WTAP: variants seen among roughly 807,000 people sequenced by gnomAD.
The protein encoded by WTAP is pre-mRNA-splicing regulator WTAP.
A neutral mutation model predicts 50.0 loss-of-function variants in WTAP; 8 were observed. The ratio of observed to expected loss-of-function variants is 0.16; its 90% CI spans 0.09 to 0.29. The LOEUF is 0.29. Among genes scored for constraint, WTAP ranks in the 10% least tolerant of loss-of-function variants. The pLI is 1.00. For synonymous variants in WTAP, 194 were observed against 169.0 expected, an observed-to-expected ratio of 1.15 and a Z score of -1.15; for missense variants, 295 against 470.7, an observed-to-expected ratio of 0.63 and a Z score of 3.45.
chr6:159,742,193 ATTG>A (rs1469931227), intron 4 of WTAP, 47 bp downstream of exon 4: 1 of 1,446,840 alleles, frequency 6.9e-7, no homozygotes. Context: ...TCTCCTTTTG[ATTG>A]TTAAAATCAA....
At chr6:159,737,710 T>C (rs1779006310) in intron 2 of WTAP, among the ~76,000 whole-genome samples, 1 of 152,116 alleles carries the variant, frequency 6.6e-6, no homozygotes, top group Admixed American at 6.5e-5. Context: ...CAGGCTGATC[T>C]TGAACTCCCG....
At chr6:159,732,888 T>A (rs1228344480) in intron 1 of WTAP, among the ~76,000 whole-genome samples, 655 of 40,124 alleles carry the variant, frequency 0.016, 6 homozygotes, top group African/African-American at 0.024. Context: ...ATATATATAG[T>A]GTGTGTGTGT....
In WTAP at chr6:159,727,629, G is replaced by T. The variant is rs1339411979; in HGVS notation, c.-83G>T. On this transcript the variant is annotated 5_prime_UTR_variant, in exon 1 of 8. Coordinates refer to ENST00000621533, the MANE Select transcript of WTAP (RefSeq NM_001270531.2). ...GTCCGGCTGCGCGGTGGCCCGGGGG[G>T]CCCGGGCGGCAGGGCAAGCAGCGCG... is the stretch of plus-strand genomic sequence containing the variant. 3.0e-6 allele frequency: 3 copies of T among 986,078 alleles called. No homozygotes were observed. The highest frequency in any genetic ancestry group is 3.6e-6 in the Non-Finnish European group (3 of 830,640). 61.1% of individuals were successfully genotyped at this position (986,078 alleles called of 1,614,324 possible). A position where few individuals can be genotyped will look rare whatever the true frequency, so the allele number is the denominator to read the frequency against.
chr6:159,734,475 A>G (rs1778784633), intron 1 of WTAP, among the ~76,000 whole-genome samples: 1 of 152,174 alleles, frequency 6.6e-6, no homozygotes, highest in African/African-American at 2.4e-5. Flanking sequence ...AATAAACCAT[A>G]AACACTTTAA....
At position 159,727,950 on chromosome 6, in the gene WTAP, G is replaced by A. The variant is rs140181088; in HGVS notation, c.-9+247G>A. On this transcript the variant is annotated intron_variant, in intron 1 of 7. Transcript: ENST00000621533. ...GGTTGAGAGGGGTGCTCTGGCGGCCGGAGAGACCGGCCACTCACGGAGGCC... is the reference window on the plus strand; with the variant it reads ...GGTTGAGAGGGGTGCTCTGGCGGCCAGAGAGACCGGCCACTCACGGAGGCC... Among the ~76,000 whole-genome samples the A allele has an allele frequency of 2.2e-3, 333 of 152,342 alleles. 9 individuals are homozygous for A. In the South Asian group the frequency reaches 0.032, roughly 15 times the overall value.
intron 4 of WTAP, 127 bp downstream of exon 4, chr6:159,742,273 G>GT: frequency 1.4e-6 from 1 of 724,942 alleles, no homozygotes; most frequent in Non-Finnish European, 2.2e-6. Context: ...ACTGTACATA[G>GT]GCACTGTGTT....
Position 159,748,056 on chromosome 6 carries a change from A to G in WTAP, c.274-135A>G. On this transcript the variant is annotated intron_variant, in intron 5 of 7. Transcript: ENST00000621533. The surrounding 1 kb of genome is among the most constrained non-coding windows in gnomAD (Gnocchi z 5.6). ...TTCTAGAAAGTTTTAAGATTTTTCT[A>G]GAGAATTTCAGGATCAAAGAGGGGA... 2 of 1,153,264 alleles carry G rather than the reference A, an allele frequency of 1.7e-6. No homozygotes were observed. Among genetic ancestry groups the G allele is most frequent in the South Asian group, 1.7e-5 (1 of 58,812 alleles). The allele number at this position is 1,153,264 out of a possible 1,614,324, so 71.4% of individuals were successfully genotyped here.
At chr6:159,727,040 G>T, upstream of WTAP, 1 of 1,226,386 alleles carries the variant, frequency 8.2e-7, no homozygotes, top group South Asian at 1.4e-5. Context: ...GGTGGCCCCG[G>T]CGAGTACTTC....
chr6:159,737,591 A>G (rs542723421), intron 2 of WTAP, among the ~76,000 whole-genome samples: 2 of 152,120 alleles, frequency 1.3e-5, no homozygotes, highest in South Asian at 4.1e-4. Flanking sequence ...ACCCCAGCTT[A>G]TGCGATCCTC....
chr6:159,734,947 C>A (rs906720169), intron 1 of WTAP, among the ~76,000 whole-genome samples: 14 of 151,774 alleles, frequency 9.2e-5, no homozygotes, highest in African/African-American at 3.4e-4. Context: ...ATGAATAATA[C>A]CTGCTATTAG....
At chr6:159,739,972 A>C (rs1016985490) in intron 3 of WTAP, among the ~76,000 whole-genome samples, 1 of 152,042 alleles carries the variant, frequency 6.6e-6, no homozygotes, top group South Asian at 2.1e-4. Context: ...TATATACTTA[A>C]GATACACTAC....
At chr6:159,749,279 ATT>A (rs961582501) in intron 6 of WTAP, 79 of 985,668 alleles carry the variant, frequency 8.0e-5, no homozygotes, top group Non-Finnish European at 8.9e-5. Flanking sequence ...TTTTTAGTGA[ATT>A]TTATGAAATC....
At chr6:159,753,640 C>G (rs767747317) in intron 7 of WTAP, 26 bp downstream of exon 7, 2 of 1,583,154 alleles carry the variant, frequency 1.3e-6, no homozygotes, top group South Asian at 1.2e-5. Context: ...CTTTTTGGAA[C>G]GTTGTCTCAA....
At chr6:159,733,472 A>G (rs1583068326) in intron 1 of WTAP, among the ~76,000 whole-genome samples, 1 of 145,858 alleles carries the variant, frequency 6.9e-6, no homozygotes, top group Non-Finnish European at 1.5e-5. Context: ...ATTACAAAAA[A>G]TTAACTGGGT....
At chr6:159,732,135 C>T (rs574713895) in intron 1 of WTAP, among the ~76,000 whole-genome samples, 74 of 152,164 alleles carry the variant, frequency 4.9e-4, no homozygotes, top group Non-Finnish European at 8.4e-4. Flanking sequence ...ATTTTTGATC[C>T]GAGTACTGTA....
In WTAP at chr6:159,755,606, T is replaced by C. The variant is rs1297622851; in HGVS notation, c.1186T>C (p.Leu396=). 2.5e-6 allele frequency: 4 copies of C among 1,590,684 alleles called. No individual in the cohort carries two copies. Among genetic ancestry groups the C allele is most frequent in the South Asian group, 2.3e-5 (2 of 88,452 alleles). ...DSSVNVQGSV[L] is the part of the protein sequence containing the mutation. ...AAGTGTAAATGTACAGGGTTCAGTT[T>C]TGTAATATTTTTTCAGCAAATTTTT... The change falls in exon 8 of 8, where the codon TTG becomes CTG. Residue 396 remains leucine, a synonymous_variant. Transcript: ENST00000621533.
intron 2 of WTAP, among the ~76,000 whole-genome samples, chr6:159,738,294 A>G (rs996625997): frequency 1.1e-4 from 17 of 152,148 alleles, no homozygotes; most frequent in African/African-American, 4.1e-4. Flanking sequence ...CATTTGTATA[A>G]TTGTTACTTC....
At chr6:159,733,200 C>G (rs1778695181) in intron 1 of WTAP, among the ~76,000 whole-genome samples, 1 of 152,244 alleles carries the variant, frequency 6.6e-6, no homozygotes, top group African/African-American at 2.4e-5. Flanking sequence ...CATTTTATAT[C>G]ATAGTAATAT....
intron 3 of WTAP, among the ~76,000 whole-genome samples, chr6:159,740,784 A>G (rs1018037716): frequency 1.3e-5 from 2 of 151,156 alleles, no homozygotes; most frequent in Non-Finnish European, 2.9e-5. Flanking sequence ...GCTCACTGCA[A>G]CCGCCGCCTC....
Sources: gnomAD v4.1 joint callset for allele counts (sites outside exome capture counted in the v4.1 genomes callset) on GRCh38, gnomAD v4.1.1 for gene constraint, Gnocchi (gnomAD v3.1) non-coding constraint, MANE v1.5 for transcripts, NCBI Gene and HGNC (gene_info 2026-07-23, HGNC 2026-07-21) for gene names.